Variants in FHIT observed in about 807,000 individuals in gnomAD.
FHIT encodes the protein fragile histidine triad diadenosine triphosphatase.
FHIT carries 19 observed loss-of-function variants against 17.9 expected under a neutral mutation model. The ratio of observed to expected loss-of-function variants is 1.06; its 90% CI spans 0.74 to 1.56. The LOEUF is 1.56. Among genes scored for constraint, FHIT ranks in the 40% most tolerant of loss-of-function variants. The pLI is 0.00. For missense variants in FHIT, 248 were observed against 189.2 expected (o/e 1.31, Z -1.82); for synonymous variants, 81 against 69.7 (o/e 1.16, Z -0.81).
At chr3:60,301,680 A>G (rs1449272146) in intron 5 of FHIT, among the ~76,000 whole-genome samples, 2 of 152,136 alleles carry the variant, frequency 1.3e-5, no homozygotes, top group East Asian at 3.9e-4. Flanking sequence ...TTGTTCTGAT[A>G]CTCTTTAACG....
At chr3:59,954,615 C>T (rs1368468507) in intron 7 of FHIT, among the ~76,000 whole-genome samples, 1 of 152,112 alleles carries the variant, frequency 6.6e-6, no homozygotes, top group Non-Finnish European at 1.5e-5. Flanking sequence ...GAGTAAATGC[C>T]TAGAAAGGAA....
intron 4 of FHIT, among the ~76,000 whole-genome samples, chr3:60,600,402 G>C (rs138927312): frequency 9.5e-4 from 144 of 152,084 alleles, no homozygotes; most frequent in African/African-American, 3.4e-3. Flanking sequence ...ACTAATAGTA[G>C]AGTAAGGCAG....
At chr3:60,990,506 A>G (rs780225886) in intron 3 of FHIT, among the ~76,000 whole-genome samples, 10 of 152,250 alleles carry the variant, frequency 6.6e-5, no homozygotes, top group Non-Finnish European at 1.3e-4. Context: ...CAATATAAAA[A>G]TATGTGTTAA....
chr3:60,204,460 T>TG (rs1206897255), intron 5 of FHIT, among the ~76,000 whole-genome samples: 2 of 144,348 alleles, frequency 1.4e-5, no homozygotes, highest in African/African-American at 2.5e-5. Context: ...TTTTTTTTGT[T>TG]TTGTTTTTTT....
chr3:59,765,652 T>C (rs139679164), intron 8 of FHIT, among the ~76,000 whole-genome samples: 31 of 152,318 alleles, frequency 2.0e-4, no homozygotes, highest in African/African-American at 6.5e-4. Flanking sequence ...GTTGAGAAGA[T>C]ATACTGGAAT....
chr3:60,805,506 C>A (rs1283095600), intron 4 of FHIT, among the ~76,000 whole-genome samples: 1 of 151,836 alleles, frequency 6.6e-6, no homozygotes, highest in Non-Finnish European at 1.5e-5. Flanking sequence ...TTAGGTCCCA[C>A]CCTTATGACC....
At chr3:60,435,218 A>C (rs1307688308) in intron 5 of FHIT, among the ~76,000 whole-genome samples, 1 of 152,114 alleles carries the variant, frequency 6.6e-6, no homozygotes, top group Non-Finnish European at 1.5e-5. Context: ...TGCAAACCAT[A>C]AACTTCCAGT....
intron 3 of FHIT, among the ~76,000 whole-genome samples, chr3:60,892,481 T>C (rs1553760934): frequency 6.6e-6 from 1 of 152,188 alleles, no homozygotes; most frequent in Non-Finnish European, 1.5e-5. Flanking sequence ...TCTTTTGTAA[T>C]GTATATTAGA....
At chr3:61,048,633 T>C (rs904827299) in intron 2 of FHIT, among the ~76,000 whole-genome samples, 1 of 152,170 alleles carries the variant, frequency 6.6e-6, no homozygotes, top group African/African-American at 2.4e-5. Context: ...ACTGGGTATA[T>C]ACCCAAAGGA....
At chr3:60,875,606 C>T (rs955305233) in intron 3 of FHIT, among the ~76,000 whole-genome samples, 6 of 152,082 alleles carry the variant, frequency 3.9e-5, no homozygotes, top group Non-Finnish European at 8.8e-5. Context: ...CATAGTTATT[C>T]GAGTGAAAAC....
intron 5 of FHIT, among the ~76,000 whole-genome samples, chr3:60,412,649 A>G (rs148715434): frequency 6.6e-6 from 1 of 152,162 alleles, no homozygotes; most frequent in East Asian, 1.9e-4. Flanking sequence ...CAGATGGGCA[A>G]ACTGTAACTC....
intron 3 of FHIT, among the ~76,000 whole-genome samples, chr3:60,902,744 T>G: frequency 6.6e-6 from 1 of 152,188 alleles, no homozygotes; most frequent in East Asian, 1.9e-4. Context: ...TAACCTAGTT[T>G]GAGCACCTGG....
intron 5 of FHIT, among the ~76,000 whole-genome samples, chr3:60,085,052 C>A (rs1294247629): frequency 6.6e-6 from 1 of 152,122 alleles, no homozygotes. Flanking sequence ...TAGGGACTGG[C>A]TCCCTGTCGC....
At chr3:59,823,939 C>G (rs921678411) in intron 8 of FHIT, among the ~76,000 whole-genome samples, 1 of 152,070 alleles carries the variant, frequency 6.6e-6, no homozygotes, top group African/African-American at 2.4e-5. Context: ...GATCATATAC[C>G]TAGGAAACCC....
chr3:60,173,359 GTT>G (rs1701504489), intron 5 of FHIT, among the ~76,000 whole-genome samples: 3 of 152,176 alleles, frequency 2.0e-5, no homozygotes, highest in African/African-American at 7.2e-5. Flanking sequence ...TGGTAGTGCA[GTT>G]TTCTGAGTCA....
At chr3:59,801,524 AAT>A (rs747015613) in intron 8 of FHIT, among the ~76,000 whole-genome samples, 140 of 152,272 alleles carry the variant, frequency 9.2e-4, no homozygotes, top group Non-Finnish European at 1.7e-3. Context: ...TATAAGTGAA[AAT>A]ATAGACTTTA....
At chr3:61,203,570 A>C (rs796738956) in intron 1 of FHIT, among the ~76,000 whole-genome samples, 1 of 152,206 alleles carries the variant, frequency 6.6e-6, no homozygotes, top group East Asian at 1.9e-4. Context: ...TAAACAGAGA[A>C]ATTAGTAAGC....
intron 1 of FHIT, among the ~76,000 whole-genome samples, chr3:61,227,412 T>C (rs2039997396): frequency 6.6e-6 from 1 of 152,200 alleles, no homozygotes; most frequent in Non-Finnish European, 1.5e-5. Flanking sequence ...AGATTTTACT[T>C]TAAAAAATCT....
chr3:60,632,146 A>G (rs1553682609), intron 4 of FHIT, among the ~76,000 whole-genome samples: 1 of 152,048 alleles, frequency 6.6e-6, no homozygotes, highest in Non-Finnish European at 1.5e-5. Flanking sequence ...ATGGGGGAAA[A>G]TCATGAAGAC....
Sources: gnomAD v4.1 joint callset for allele counts (sites outside exome capture counted in the v4.1 genomes callset) on GRCh38, gnomAD v4.1.1 for gene constraint, MANE v1.5 for transcripts, NCBI Gene and HGNC (gene_info 2026-07-23, HGNC 2026-07-21) for gene names.